IL1RAPL2: variants seen among roughly 807,000 people sequenced by gnomAD.
The protein encoded by IL1RAPL2 is interleukin 1 receptor accessory protein like 2.
A neutral mutation model predicts 44.1 loss-of-function variants in IL1RAPL2; 3 were observed. That is an observed-to-expected ratio of 0.07 (90% confidence interval 0.03 to 0.18). IL1RAPL2 has a LOEUF of 0.18. Among genes scored for constraint, IL1RAPL2 ranks in the 10% least tolerant of loss-of-function variants. The pLI, the probability that IL1RAPL2 is intolerant of heterozygous loss-of-function variation, is 1.00. For synonymous variants in IL1RAPL2, 181 were observed against 178.8 expected (o/e 1.01, Z -0.10); for missense variants, 391 against 496.4 (o/e 0.79, Z 2.02).
At chrX:104,877,994 T>C (rs922049841) in intron 2 of IL1RAPL2, among the ~76,000 whole-genome samples, 1 of 112,179 alleles carries the variant, frequency 8.9e-6, no homozygotes, top group African/African-American at 3.2e-5. Flanking sequence ...GGAATCTTTA[T>C]GGACTAAGAT....
intron 5 of IL1RAPL2, among the ~76,000 whole-genome samples, chrX:105,273,404 C>A (rs1013266858): frequency 9.0e-6 from 1 of 111,625 alleles, no homozygotes; most frequent in Non-Finnish European, 1.9e-5. Context: ...GAAACCAGAA[C>A]CCCTTTCCTG....
intron 2 of IL1RAPL2, among the ~76,000 whole-genome samples, chrX:104,840,520 C>T (rs769710992): frequency 8.9e-6 from 1 of 111,894 alleles, no homozygotes; most frequent in South Asian, 3.8e-4. Flanking sequence ...CCATGCAACA[C>T]TGAGAAGAAT....
At chrX:105,135,244 T>C (rs1403076679) in intron 2 of IL1RAPL2, among the ~76,000 whole-genome samples, 2 of 111,418 alleles carry the variant, frequency 1.8e-5, no homozygotes. Context: ...TCTCTAACTA[T>C]TGTAGTGGGT....
chrX:104,605,931 T>G (rs780396836), intron 1 of IL1RAPL2, among the ~76,000 whole-genome samples: 33 of 111,643 alleles, frequency 3.0e-4, no homozygotes, highest in African/African-American at 9.8e-4. Context: ...ACTATTCCAA[T>G]CAATAGAAAA....
intron 6 of IL1RAPL2, among the ~76,000 whole-genome samples, chrX:105,489,052 T>C (rs770769459): frequency 1.8e-5 from 2 of 112,035 alleles, no homozygotes; most frequent in African/African-American, 3.2e-5. Flanking sequence ...CTTTACCAAA[T>C]AACCATATAT....
intron 2 of IL1RAPL2, among the ~76,000 whole-genome samples, chrX:105,024,879 C>T (rs1198337167): frequency 1.8e-5 from 2 of 110,129 alleles, no homozygotes; most frequent in Non-Finnish European, 3.8e-5. Context: ...TGTATGAGTA[C>T]AGTTGTTACA....
intron 2 of IL1RAPL2, among the ~76,000 whole-genome samples, chrX:105,159,562 C>T (rs2033302682): frequency 1.8e-5 from 2 of 112,574 alleles, no homozygotes; most frequent in Non-Finnish European, 3.7e-5. Context: ...TGTGCACTAA[C>T]TTGGTGGAAA....
At chrX:105,024,114 A>G (rs1403562058) in intron 2 of IL1RAPL2, among the ~76,000 whole-genome samples, 1 of 111,680 alleles carries the variant, frequency 9.0e-6, no homozygotes, top group Non-Finnish European at 1.9e-5. Context: ...ATATGATTCA[A>G]AAGATAGAAA....
At chrX:104,965,964 T>C (rs1602857877) in intron 2 of IL1RAPL2, among the ~76,000 whole-genome samples, 1 of 100,377 alleles carries the variant, frequency 1.0e-5, no homozygotes, top group South Asian at 3.7e-4. Context: ...AAAGAAAAAG[T>C]AAGATTAGGA....
At chrX:105,137,369 T>G (rs1390931100) in intron 2 of IL1RAPL2, among the ~76,000 whole-genome samples, 1 of 112,309 alleles carries the variant, frequency 8.9e-6, no homozygotes, top group East Asian at 2.8e-4. Flanking sequence ...GAAATTTCCC[T>G]TGGACAACTC....
intron 5 of IL1RAPL2, among the ~76,000 whole-genome samples, chrX:105,420,559 A>G (rs1003723115): frequency 8.9e-6 from 1 of 111,841 alleles, no homozygotes; most frequent in East Asian, 2.8e-4. Flanking sequence ...CTCAGGGCCT[A>G]AGGAGTGTGC....
At chrX:105,542,668 C>CT (rs1158618358) in intron 6 of IL1RAPL2, among the ~76,000 whole-genome samples, 1,879 of 96,358 alleles carry the variant, frequency 0.02, 46 homozygotes, top group African/African-American at 0.068. Context: ...AATAGATTCT[C>CT]TTTTTTTTTT....
At position 105,191,250 on chromosome X, in the gene IL1RAPL2, G is replaced by A. The variant is rs1602999999; in HGVS notation, c.83-4225G>A. Among the ~76,000 whole-genome samples the A allele has an allele frequency of 2.7e-5, 3 of 112,747 alleles. 1 individual carries two copies. In the Admixed American group the frequency reaches 2.8e-4, roughly 11 times the overall value. Reference sequence around the variant, plus strand: ...GTTTGTTTTGAGACGGAGTCTCACTGTGATGCCCAGGCTGGAGTGCAATGG... The same window carrying A: ...GTTTGTTTTGAGACGGAGTCTCACTATGATGCCCAGGCTGGAGTGCAATGG... On this transcript the variant is annotated intron_variant, in intron 2 of 10. Coordinates refer to ENST00000372582, the MANE Select transcript of IL1RAPL2 (RefSeq NM_017416.2).
At chrX:104,599,449 T>C (rs1042406260) in intron 1 of IL1RAPL2, among the ~76,000 whole-genome samples, 4 of 109,085 alleles carry the variant, frequency 3.7e-5, no homozygotes, top group Non-Finnish European at 7.6e-5. Context: ...GGTCTCACTA[T>C]ATTTCTGAGG....
rs149144590 is a variant in IL1RAPL2 at position 105,478,426 on chromosome X, A to G, written c.698-5887A>G. 4.6e-3 allele frequency among the ~76,000 whole-genome samples: 517 copies of G among 111,258 alleles called. 6 individuals are homozygous for G. Among genetic ancestry groups the G allele is most frequent in the African/African-American group, 0.016 (489 of 30,623 alleles). On this transcript the variant is annotated intron_variant, in intron 5 of 10. Transcript: ENST00000372582. ...CTTCTCTTCTTCATGATTTGCATAT[A>G]ATCTTTCCTAGGCCTGGAGCTCAAA...
At chrX:105,108,908 A>G (rs1406232022) in intron 2 of IL1RAPL2, among the ~76,000 whole-genome samples, 4 of 111,860 alleles carry the variant, frequency 3.6e-5, no homozygotes, top group Non-Finnish European at 7.5e-5. Flanking sequence ...ACTATGCTCT[A>G]TAAGGCCCTG....
At chrX:105,707,862 A>G (rs1487922637) in intron 6 of IL1RAPL2, among the ~76,000 whole-genome samples, 1 of 111,059 alleles carries the variant, frequency 9.0e-6, no homozygotes, top group Non-Finnish European at 1.9e-5. Context: ...CAGAGTGTGC[A>G]TTAAGGAAGT....
At chrX:104,964,156 T>C (rs2030067059) in intron 2 of IL1RAPL2, among the ~76,000 whole-genome samples, 1 of 110,801 alleles carries the variant, frequency 9.0e-6, no homozygotes, top group South Asian at 3.8e-4. Context: ...TTCAACCAAT[T>C]CCTAAACAAA....
intron 2 of IL1RAPL2, among the ~76,000 whole-genome samples, chrX:104,983,437 ATAGATACATAATATTATATAATAT>A (rs1569355604): frequency 6.8e-5 from 6 of 88,831 alleles, no homozygotes; most frequent in Non-Finnish European, 1.3e-4. Flanking sequence ...ATAATATATA[ATAGATACATAATATTATATAATAT>A]TAGATACATA....
Sources: gnomAD v4.1 joint callset for allele counts (sites outside exome capture counted in the v4.1 genomes callset) on GRCh38, gnomAD v4.1.1 for gene constraint, MANE v1.5 for transcripts, NCBI Gene and HGNC (gene_info 2026-07-23, HGNC 2026-07-21) for gene names.